The following PIAS2 variants were observed in gnomAD, a reference collection of about 807,000 sequenced individuals.
PIAS2 encodes E3 SUMO-protein ligase PIAS2.
In PIAS2, 19 loss-of-function variants were observed where a neutral mutation model predicts 69.7. The ratio of observed to expected loss-of-function variants is 0.27; its 90% CI spans 0.19 to 0.40. The LOEUF is 0.40. Among genes scored for constraint, PIAS2 ranks in the 10% least tolerant of loss-of-function variants. PIAS2 has a pLI of 1.00. For missense variants in PIAS2, 624 were observed against 757.0 expected, an observed-to-expected ratio of 0.82 and a Z score of 2.06; for synonymous variants, 261 against 263.2, an observed-to-expected ratio of 0.99 and a Z score of 0.08.
rs1411642379 is a variant in PIAS2, at chr18:46,812,609, A to G, written c.1690T>C (p.Cys564Arg). 6.2e-7 allele frequency: 1 copy of G among 1,603,210 alleles called. No individual in the cohort carries two copies. The highest frequency in any genetic ancestry group is 8.5e-7 in the Non-Finnish European group (1 of 1,172,656). ...LSLIPVDPQY[C>R]PPMFLDSLTS... ...AGACTATCCAAAAACATAGGAGGAC[A>G]GTACTGCTTGAAACAAACAATGATG... The change falls in exon 14 of 14, where the codon TGT (cysteine) becomes CGT (arginine). Residue 564 changes from cysteine (C) to arginine (R), a missense_variant. Cys to Arg is a radical substitution (Grantham distance 180). This residue lies in a region of PIAS2 where 241 missense variants were observed against 257.3 expected (regional missense o/e 0.94). Coordinates refer to ENST00000585916, the MANE Select transcript of PIAS2 (RefSeq NM_004671.5).
intron 11 of PIAS2, among the ~76,000 whole-genome samples, chr18:46,824,833 T>C (rs1339263628): frequency 6.8e-6 from 1 of 147,642 alleles, no homozygotes; most frequent in Non-Finnish European, 1.5e-5. Context: ...TAAAACCCCA[T>C]GTTTACAAAA....
intron 3 of PIAS2, among the ~76,000 whole-genome samples, chr18:46,858,622 G>A (rs919519642): frequency 2.6e-5 from 4 of 152,134 alleles, no homozygotes; most frequent in Non-Finnish European, 4.4e-5. Flanking sequence ...AATTGAGCCC[G>A]GACATTAAAG....
rs904140904 is a variant in PIAS2 at position 46,855,363 on chromosome 18, C to T, written c.708G>A (p.Gly236=). Residue 236 remains glycine, a synonymous_variant, in exon 5 of 14, where the codon GGG becomes GGA. Transcript: ENST00000585916. ...YPNSLCIKVN[G]KLFPLPGYAP... is the part of the protein sequence containing the mutation. Reference sequence around the variant, plus strand: ...AACTTACAGGCAAAGGAAATAGCTTCCCATTTACTTTTATACATAGACTAT... The same window carrying T: ...AACTTACAGGCAAAGGAAATAGCTTTCCATTTACTTTTATACATAGACTAT... The T allele has an allele frequency of 6.2e-7, 1 of 1,605,146 alleles. No homozygotes were observed. The highest frequency in any genetic ancestry group is 2.2e-5 in the East Asian group (1 of 44,812).
In PIAS2 at chr18:46,882,710, G is replaced by A. The variant is rs138699699; in HGVS notation, c.499+7870C>T. On this transcript the variant is annotated intron_variant, in intron 2 of 13. Coordinates refer to ENST00000585916, the MANE Select transcript of PIAS2 (RefSeq NM_004671.5). ...ATCAAAAAAGTACTGGGTAAGTTAC[G>A]GTACATCTATAAGATAATAGAACTA... Among the ~76,000 whole-genome samples, 22 of 152,152 alleles carry A rather than the reference G, an allele frequency of 1.4e-4. No individual in the cohort carries two copies. The East Asian group carries it at 1.7e-3, about 12-fold the overall frequency.
intron 11 of PIAS2, among the ~76,000 whole-genome samples, chr18:46,826,479 T>G (rs1018800612): frequency 2.0e-5 from 3 of 152,248 alleles, no homozygotes; most frequent in Non-Finnish European, 2.9e-5. Flanking sequence ...CCAACTGCAG[T>G]ACTTGCAACT....
At chr18:46,840,145 A>G (rs2145164062) in intron 8 of PIAS2, among the ~76,000 whole-genome samples, 1 of 152,314 alleles carries the variant, frequency 6.6e-6, no homozygotes, top group African/African-American at 2.4e-5. Context: ...TGGATGACAG[A>G]GCAAGACTCT....
At chr18:46,884,473 G>T (rs868045868) in intron 2 of PIAS2, among the ~76,000 whole-genome samples, 3 of 151,506 alleles carry the variant, frequency 2.0e-5, no homozygotes, top group Non-Finnish European at 4.4e-5. Flanking sequence ...CCACCACGCC[G>T]GCTAATTTTT....
chr18:46,885,693 A>G (rs973711826), intron 2 of PIAS2, among the ~76,000 whole-genome samples: 2 of 152,168 alleles, frequency 1.3e-5, no homozygotes, highest in African/African-American at 4.8e-5. Flanking sequence ...CAAAAAAAAA[A>G]AACAGTGATA....
At position 46,844,102 on chromosome 18, in the gene PIAS2, A is replaced by G. The variant is rs1236185845; in HGVS notation, c.993T>C (p.Pro331=). The G allele has an allele frequency of 1.3e-6, 2 of 1,522,050 alleles. No individual in the cohort carries two copies. Among genetic ancestry groups the G allele is most frequent in the East Asian group, 2.4e-5 (1 of 42,348 alleles). The allele number at this position is 1,522,050 out of a possible 1,614,324, so 94.3% of individuals were successfully genotyped here. A position where few individuals can be genotyped will look rare whatever the true frequency, so the allele number is the denominator to read the frequency against. Residue 331 remains proline, a synonymous_variant, in exon 8 of 14, where the codon CCT becomes CCC. Transcript: ENST00000585916. ...ALIKEKLTAD[P]DSEIATTSLR... The stretch of plus-strand genomic sequence containing the variant: ...GGCTAGTTGTAGCAATTTCACTATC[A>G]GGATCTGCAGTAAGTTTTTCTTTAA...
intron 1 of PIAS2, among the ~76,000 whole-genome samples, chr18:46,899,786 C>T (rs529641420): frequency 6.6e-6 from 1 of 152,092 alleles, no homozygotes; most frequent in Non-Finnish European, 1.5e-5. Flanking sequence ...GAATGATGTT[C>T]GTTTTTCACA....
chr18:46,812,041 A>G lies in PIAS2; in HGVS notation c.*392T>C, dbSNP rs922400989. On this transcript the variant is annotated 3_prime_UTR_variant, in exon 14 of 14. Transcript: ENST00000585916. ...TAAACAGAAGTTGCTGTCATTCTAG[A>G]ATCAGTGATTACAATTTTTTTTTTA... The G allele has an allele frequency of 1.3e-5, 2 of 155,636 alleles. No individual in the cohort carries two copies. The highest frequency in any genetic ancestry group is 4.8e-5 in the African/African-American group (2 of 41,484). 9.6% of individuals were successfully genotyped at this position (155,636 alleles called of 1,614,324 possible).
At chr18:46,840,820 T>G (rs1326919893) in intron 8 of PIAS2, among the ~76,000 whole-genome samples, 3 of 152,224 alleles carry the variant, frequency 2.0e-5, no homozygotes, top group Non-Finnish European at 4.4e-5. Flanking sequence ...TGAATGGTTA[T>G]CTAAGTAATG....
At chr18:46,880,384 CAAAAA>C (rs915544129) in intron 2 of PIAS2, among the ~76,000 whole-genome samples, 20 of 150,660 alleles carry the variant, frequency 1.3e-4, no homozygotes, top group African/African-American at 4.4e-4. Flanking sequence ...GACCCTGTCT[CAAAAA>C]AAACAAAACA....
At chr18:46,896,726 C>A (rs1358963377) in intron 1 of PIAS2, among the ~76,000 whole-genome samples, 3 of 152,282 alleles carry the variant, frequency 2.0e-5, no homozygotes, top group African/African-American at 7.2e-5. Context: ...CAACATGGAC[C>A]ATAAGAAGTC....
chr18:46,833,964 C>T (rs1426189802), intron 9 of PIAS2, among the ~76,000 whole-genome samples: 3 of 152,066 alleles, frequency 2.0e-5, no homozygotes, highest in Admixed American at 6.6e-5. Flanking sequence ...TTCCTCATCC[C>T]CAATTTTCCT....
intron 2 of PIAS2, among the ~76,000 whole-genome samples, chr18:46,886,710 G>C (rs1319468761): frequency 6.6e-6 from 1 of 152,018 alleles, no homozygotes; most frequent in Admixed American, 6.6e-5. Flanking sequence ...GGTGGCACAT[G>C]CCTGTAGCCT....
intron 9 of PIAS2, among the ~76,000 whole-genome samples, chr18:46,834,542 T>C (rs992322132): frequency 6.6e-6 from 1 of 152,228 alleles, no homozygotes; most frequent in Non-Finnish European, 1.5e-5. Context: ...ACTCCTATAA[T>C]ACAAAAATTA....
chr18:46,827,970 G>A lies in PIAS2; in HGVS notation c.1497C>T (p.Ser499=). The A allele has an allele frequency of 6.2e-7, 1 of 1,613,556 alleles. No individual in the cohort carries two copies. The highest frequency in any genetic ancestry group is 1.1e-5 in the South Asian group (1 of 91,030). ...ATAAATTAACAAACCCTTTGGTTGG[G>A]CTGCTTTGTGTTTCTGACATAAAGA... ...KCIFMSETQS[S]PTKGVLMYQP... Residue 499 remains serine, a synonymous_variant, in exon 11 of 14, where the codon AGC becomes AGT. Coordinates refer to ENST00000585916, the MANE Select transcript of PIAS2 (RefSeq NM_004671.5).
Position 46,806,942 on chromosome 18 carries a change from T to C in PIAS2, c.*5491A>G, listed in dbSNP as rs2040715201. On this transcript the variant is annotated 3_prime_UTR_variant, in exon 14 of 14. Coordinates refer to ENST00000585916, the MANE Select transcript of PIAS2 (RefSeq NM_004671.5). The stretch of plus-strand genomic sequence containing the variant: ...TGTGCTACGCCAATCAAGAAAATGT[T>C]GTACCTCAAACATCTGAAGGTAGCA... 6.6e-6 allele frequency: 1 copy of C among 152,196 alleles called. No homozygotes were observed. Among genetic ancestry groups the C allele is most frequent in the Admixed American group, 6.5e-5 (1 of 15,280 alleles). The allele number at this position is 152,196 out of a possible 1,614,324, so 9.4% of individuals were successfully genotyped here.
Sources: gnomAD v4.1 joint callset for allele counts (sites outside exome capture counted in the v4.1 genomes callset) on GRCh38, gnomAD v4.1.1 for gene constraint, gnomAD v4.1.1 regional missense constraint, MANE v1.5 for transcripts, NCBI Gene and HGNC (gene_info 2026-07-23, HGNC 2026-07-21) for gene names.